NFIB: variants seen among roughly 807,000 people sequenced by gnomAD.
NFIB encodes the protein nuclear factor I B.
Under a neutral mutation model 61.5 loss-of-function variants are expected in NFIB, and 11 were observed. That is an observed-to-expected ratio of 0.18 (90% CI 0.11 to 0.30). NFIB has a LOEUF of 0.30. Ranked by LOEUF, NFIB falls within the 10% of genes least tolerant of loss-of-function variation. NFIB has a pLI of 1.00. For synonymous variants in NFIB, 260 were observed against 216.5 expected (o/e 1.20, Z -1.76); for missense variants, 471 against 608.9 (o/e 0.77, Z 2.38).
intron 1 of NFIB, among the ~76,000 whole-genome samples, chr9:14,338,495 C>A (rs1372192638): frequency 1.3e-5 from 2 of 152,178 alleles, no homozygotes; most frequent in African/African-American, 4.8e-5. Flanking sequence ...TCTTTGCAAT[C>A]TATCAGCTGT....
chr9:14,170,705 G>A (rs1332462352), intron 3 of NFIB, among the ~76,000 whole-genome samples: 1 of 152,128 alleles, frequency 6.6e-6, no homozygotes, highest in Non-Finnish European at 1.5e-5. Context: ...GCCCAGAACA[G>A]CAGGTACCAT....
chr9:14,427,948 T>TTTTGTTTGTTTG, the NFIB span, among the ~76,000 whole-genome samples: 4 of 104,034 alleles, frequency 3.8e-5, no homozygotes, highest in Non-Finnish European at 5.9e-5. Flanking sequence ...TTTTTTTTTT[T>TTTTGTTTGTTTG]TTTTTTTTTT....
At chr9:14,206,504 C>G (rs2049738588) in intron 2 of NFIB, among the ~76,000 whole-genome samples, 1 of 151,842 alleles carries the variant, frequency 6.6e-6, no homozygotes, top group Non-Finnish European at 1.5e-5. Flanking sequence ...TAATTTCTTT[C>G]CTTTCATGAG....
chr9:14,168,236 G>C (rs1483456571), intron 3 of NFIB, among the ~76,000 whole-genome samples: 2 of 152,230 alleles, frequency 1.3e-5, no homozygotes, highest in East Asian at 1.9e-4. Context: ...ATAAATCTTG[G>C]ACATTGTCTG....
the NFIB span, among the ~76,000 whole-genome samples, chr9:14,511,715 T>C: frequency 6.6e-6 from 1 of 152,246 alleles, no homozygotes; most frequent in Non-Finnish European, 1.5e-5. Context: ...CTAGGTATTT[T>C]GGTTCTAATT....
rs907906828 is a variant in NFIB at position 14,085,203 on chromosome 9, C to T, written c.*3106G>A. ...GCTAATCAAATACAATTCTCCAGCCCATAAGCATTGTTCTAAAGTATTCAT... is the reference window on the plus strand; with the variant it reads ...GCTAATCAAATACAATTCTCCAGCCTATAAGCATTGTTCTAAAGTATTCAT... On this transcript the variant is annotated 3_prime_UTR_variant, in exon 11 of 11. Transcript: ENST00000380953. 1 of 228,628 alleles carries T rather than the reference C, an allele frequency of 4.4e-6. No individual in the cohort carries two copies. The highest frequency in any genetic ancestry group is 8.7e-6 in the Non-Finnish European group (1 of 115,248). The allele number at this position is 228,628 out of a possible 1,614,324, so 14.2% of individuals were successfully genotyped here. A position where few individuals can be genotyped will look rare whatever the true frequency, so the allele number is the denominator to read the frequency against.
chr9:14,122,606 C>T (rs1414994013), intron 7 of NFIB, among the ~76,000 whole-genome samples: 2 of 152,168 alleles, frequency 1.3e-5, no homozygotes, highest in African/African-American at 4.8e-5. Context: ...GAAATACAAA[C>T]ATCTAAGAAA....
intron 9 of NFIB, among the ~76,000 whole-genome samples, chr9:14,115,339 G>A (rs1268085607): frequency 5.3e-5 from 8 of 152,162 alleles, no homozygotes; most frequent in Non-Finnish European, 1.5e-5. Context: ...TTGGTGAGGT[G>A]CATGCTAATT....
intron 8 of NFIB, among the ~76,000 whole-genome samples, chr9:14,118,432 A>T (rs1197170794): frequency 1.3e-5 from 2 of 152,128 alleles, no homozygotes; most frequent in Non-Finnish European, 2.9e-5. Context: ...GGAATTGAAC[A>T]ACATGAACTA....
intron 1 of NFIB, among the ~76,000 whole-genome samples, chr9:14,369,087 G>C (rs2061331294): frequency 6.6e-6 from 1 of 152,130 alleles, no homozygotes; most frequent in South Asian, 2.1e-4. Context: ...TAAGCTCTTT[G>C]AGGGTAGGGT....
chr9:14,344,134 G>GAGAGAGAGAGAGAA (rs1248077284), intron 1 of NFIB, among the ~76,000 whole-genome samples: 4 of 148,022 alleles, frequency 2.7e-5, no homozygotes, highest in African/African-American at 1.0e-4. Flanking sequence ...GAGAGAGAGA[G>GAGAGAGAGAGAGAA]AAACACTAAG....
At chr9:14,406,458 C>A in the NFIB span, among the ~76,000 whole-genome samples, 1 of 152,162 alleles carries the variant, frequency 6.6e-6, no homozygotes, top group Admixed American at 6.5e-5. Flanking sequence ...AGATGGCATC[C>A]CTAGAGAATC....
intron 2 of NFIB, among the ~76,000 whole-genome samples, chr9:14,265,556 A>G (rs1254458532): frequency 6.6e-6 from 1 of 152,204 alleles, no homozygotes; most frequent in East Asian, 1.9e-4. Context: ...TGGCCTTCCC[A>G]GCCTCCAGTG....
the NFIB span, among the ~76,000 whole-genome samples, chr9:14,512,813 G>C: frequency 6.6e-6 from 1 of 150,428 alleles, no homozygotes; most frequent in African/African-American, 2.4e-5. Flanking sequence ...TTTTGAATCA[G>C]AGTTAAGCTA....
chr9:14,182,201 T>C (rs529265275), intron 2 of NFIB, among the ~76,000 whole-genome samples: 6 of 152,306 alleles, frequency 3.9e-5, no homozygotes, highest in African/African-American at 1.4e-4. Flanking sequence ...CACAAGCATT[T>C]GAGGGAAAGC....
the NFIB span, among the ~76,000 whole-genome samples, chr9:14,410,795 G>T: frequency 3.3e-5 from 5 of 152,086 alleles, no homozygotes; most frequent in East Asian, 9.7e-4. Context: ...ACAGTGCTTG[G>T]CTCAGTGACC....
At chr9:14,420,173 G>A in the NFIB span, among the ~76,000 whole-genome samples, 376 of 152,158 alleles carry the variant, frequency 2.5e-3, no homozygotes, top group African/African-American at 8.7e-3. Flanking sequence ...AGAGCCGGGC[G>A]TGCTGGCACA....
chr9:14,404,948 C>T, the NFIB span, among the ~76,000 whole-genome samples: 14 of 152,186 alleles, frequency 9.2e-5, no homozygotes, highest in Non-Finnish European at 1.8e-4. Flanking sequence ...TTCCAGTTTA[C>T]GGAAGAGACT....
intron 2 of NFIB, among the ~76,000 whole-genome samples, chr9:14,289,438 G>C (rs1320312267): frequency 6.6e-6 from 1 of 151,588 alleles, no homozygotes; most frequent in African/African-American, 2.4e-5. Context: ...GGGCAGTATA[G>C]ACGAACTAAG....
Sources: allele counts gnomAD v4.1 joint callset (sites outside exome capture counted in the v4.1 genomes callset), GRCh38; gene constraint gnomAD v4.1.1; transcripts MANE v1.5; gene names NCBI Gene and HGNC (gene_info 2026-07-23, HGNC 2026-07-21).